Variants in NLGN1 observed in about 807,000 individuals in gnomAD.
The protein encoded by NLGN1 is neuroligin 1.
A neutral mutation model predicts 65.5 loss-of-function variants in NLGN1; 12 were observed. That is an observed-to-expected ratio of 0.18 (90% CI 0.12 to 0.30). The LOEUF (loss-of-function observed/expected upper bound fraction) is 0.30. Ranked by LOEUF, NLGN1 falls within the 10% of genes least tolerant of loss-of-function variation. The pLI, the probability that NLGN1 is intolerant of heterozygous loss-of-function variation, is 1.00. For synonymous variants in NLGN1, 350 were observed against 359.5 expected (o/e 0.97, Z 0.30); for missense variants, 750 against 1,007.1 (o/e 0.74, Z 3.46).
rs191511258 is a variant in NLGN1 at position 173,777,017 on chromosome 3, G to A, written c.494-30663G>A. Among the ~76,000 whole-genome samples the A allele has an allele frequency of 2.0e-5, 3 of 152,008 alleles. No individual in the cohort carries two copies. The East Asian group carries it at 5.8e-4, about 29-fold the overall frequency. On this transcript the variant is annotated intron_variant, in intron 3 of 6. Coordinates refer to ENST00000457714, the Ensembl canonical transcript of NLGN1. Reference sequence around the variant, plus strand: ...TATATAACTTGGGAAAGCAGTAAGAGTGATTAAAATCTCAAGCTCTATAAT... The same window carrying A: ...TATATAACTTGGGAAAGCAGTAAGAATGATTAAAATCTCAAGCTCTATAAT...
intron 2 of NLGN1, among the ~76,000 whole-genome samples, chr3:173,508,126 A>G (rs1260115774): frequency 1.3e-5 from 2 of 152,154 alleles, no homozygotes; most frequent in African/African-American, 2.4e-5. Context: ...TTAGAGGCTA[A>G]CATATCACTG....
intron 4 of NLGN1, among the ~76,000 whole-genome samples, chr3:174,083,083 G>A (rs1357823688): frequency 1.3e-5 from 2 of 151,902 alleles, no homozygotes; most frequent in Non-Finnish European, 2.9e-5. Context: ...CATAGATTAT[G>A]TTCTTAAATA....
At chr3:173,549,052 T>C (rs1404971485) in intron 2 of NLGN1, among the ~76,000 whole-genome samples, 1 of 152,034 alleles carries the variant, frequency 6.6e-6, no homozygotes, top group East Asian at 1.9e-4. Context: ...CCACAATTGC[T>C]TTCATTTCAA....
At chr3:173,959,648 A>G (rs1466378049) in intron 4 of NLGN1, among the ~76,000 whole-genome samples, 1 of 152,214 alleles carries the variant, frequency 6.6e-6, no homozygotes, top group Non-Finnish European at 1.5e-5. Context: ...CAACTTTGCA[A>G]TAGATTCAAT....
At chr3:174,227,356 G>T (rs1221022716) in intron 4 of NLGN1, among the ~76,000 whole-genome samples, 1 of 152,086 alleles carries the variant, frequency 6.6e-6, no homozygotes, top group Non-Finnish European at 1.5e-5. Flanking sequence ...AAATTTTACT[G>T]CCTTTTCCAT....
chr3:173,925,049 A>G (rs2152272401), intron 4 of NLGN1, among the ~76,000 whole-genome samples: 1 of 152,310 alleles, frequency 6.6e-6, no homozygotes, highest in South Asian at 2.1e-4. Context: ...AATAAAAGAA[A>G]TAATAACACA....
At chr3:174,146,136 CCTTCCTTCCTTCCTT>C (rs1162153153) in intron 4 of NLGN1, among the ~76,000 whole-genome samples, 38 of 141,266 alleles carry the variant, frequency 2.7e-4, no homozygotes, top group African/African-American at 9.1e-4. Flanking sequence ...TTCCTTCCTT[CCTTCCTTCCTTCCTT>C]CCTCTCTCCC....
At chr3:174,034,474 A>G (rs1282805934) in intron 4 of NLGN1, among the ~76,000 whole-genome samples, 2 of 152,100 alleles carry the variant, frequency 1.3e-5, no homozygotes, top group South Asian at 4.1e-4. Context: ...TTAAAAAATA[A>G]TAGTAATAAT....
downstream of NLGN1, among the ~76,000 whole-genome samples, chr3:174,288,038 C>A (rs1016210795): frequency 6.6e-6 from 1 of 151,560 alleles, no homozygotes; most frequent in African/African-American, 2.4e-5. Context: ...TAACATACAA[C>A]TATTGTCAAG....
At chr3:173,803,963 A>G (rs1008998990) in intron 3 of NLGN1, among the ~76,000 whole-genome samples, 2 of 152,230 alleles carry the variant, frequency 1.3e-5, no homozygotes, top group Non-Finnish European at 2.9e-5. Flanking sequence ...AACATATTTA[A>G]TGATTATATC....
chr3:173,556,423 T>G (rs1741713868), intron 2 of NLGN1, among the ~76,000 whole-genome samples: 1 of 152,206 alleles, frequency 6.6e-6, no homozygotes, highest in African/African-American at 2.4e-5. Context: ...AGTTAAAATA[T>G]TTTCTAAATT....
chr3:173,414,972 A>AG (rs1308211246), intron 1 of NLGN1, among the ~76,000 whole-genome samples: 1 of 152,210 alleles, frequency 6.6e-6, no homozygotes, highest in Non-Finnish European at 1.5e-5. Flanking sequence ...ATAAATTGAA[A>AG]CAAGAGCCCA....
intron 3 of NLGN1, among the ~76,000 whole-genome samples, chr3:173,620,334 G>A (rs1190661695): frequency 6.6e-6 from 1 of 152,060 alleles, no homozygotes; most frequent in Non-Finnish European, 1.5e-5. Context: ...TTGTTATGGG[G>A]TGGCAAGACT....
At chr3:174,163,137 C>T (rs1177427536) in intron 4 of NLGN1, among the ~76,000 whole-genome samples, 1 of 151,930 alleles carries the variant, frequency 6.6e-6, no homozygotes, top group African/African-American at 2.4e-5. Flanking sequence ...CTACAGGATA[C>T]CACTGTCTAC....
intron 3 of NLGN1, among the ~76,000 whole-genome samples, chr3:173,745,714 G>T (rs896383551): frequency 6.6e-6 from 1 of 152,072 alleles, no homozygotes; most frequent in Non-Finnish European, 1.5e-5. Flanking sequence ...ATCAGGCTAG[G>T]TGTTTGGATG....
intron 2 of NLGN1, among the ~76,000 whole-genome samples, chr3:173,575,935 A>G (rs768750462): frequency 6.6e-6 from 1 of 152,120 alleles, no homozygotes; most frequent in Non-Finnish European, 1.5e-5. Flanking sequence ...TTTTCTTTTT[A>G]ACTTGTTTCT....
chr3:173,889,011 T>C (rs568893957), intron 4 of NLGN1, among the ~76,000 whole-genome samples: 1 of 152,290 alleles, frequency 6.6e-6, no homozygotes, highest in South Asian at 2.1e-4. Context: ...TACAAGTTTT[T>C]TGTTTGTATT....
chr3:173,427,858 TTTGG>T (rs200698597), intron 1 of NLGN1, among the ~76,000 whole-genome samples: 193 of 150,822 alleles, frequency 1.3e-3, no homozygotes, highest in African/African-American at 4.6e-3. Context: ...TTTTTTTTTT[TTTGG>T]TTGAGTTTCT....
At chr3:173,919,811 A>G (rs1186521037) in intron 4 of NLGN1, among the ~76,000 whole-genome samples, 1 of 152,158 alleles carries the variant, frequency 6.6e-6, no homozygotes, top group Non-Finnish European at 1.5e-5. Context: ...TAGCTATTAA[A>G]TATGCACAGT....
Sources: gnomAD v4.1 joint callset for allele counts (sites outside exome capture counted in the v4.1 genomes callset) on GRCh38, gnomAD v4.1.1 for gene constraint, MANE v1.5 for transcripts, NCBI Gene and HGNC (gene_info 2026-07-23, HGNC 2026-07-21) for gene names.